The following CSMD3 variants were observed in gnomAD, a reference collection of about 807,000 sequenced individuals.
CSMD3 encodes CUB and sushi domain-containing protein 3.
In CSMD3, 177 loss-of-function variants were observed where a neutral mutation model predicts 435.2. That is an observed-to-expected ratio of 0.41 (90% CI 0.36 to 0.46). The LOEUF (loss-of-function observed/expected upper bound fraction) is 0.46. Among genes scored for constraint, CSMD3 ranks in the 20% least tolerant of loss-of-function variants. CSMD3 has a pLI of 0.34. For missense variants in CSMD3, 4,265 were observed against 4,504.6 expected (o/e 0.95, Z 1.52); for synonymous variants, 1,656 against 1,520.5 (o/e 1.09, Z -2.07).
At chr8:112,551,572 G>T (rs1216556152) in intron 26 of CSMD3, among the ~76,000 whole-genome samples, 1 of 151,862 alleles carries the variant, frequency 6.6e-6, no homozygotes, top group Non-Finnish European at 1.5e-5. Context: ...ATCAAATAAT[G>T]TTTAATTTTT....
At chr8:112,938,052 C>A (rs534072626) in intron 9 of CSMD3, among the ~76,000 whole-genome samples, 9 of 152,148 alleles carry the variant, frequency 5.9e-5, no homozygotes, top group African/African-American at 2.2e-4. Context: ...GGGGGAAAAG[C>A]ACTCAGAATA....
At chr8:113,275,405 T>TA (rs1412051482) in intron 3 of CSMD3, among the ~76,000 whole-genome samples, 2 of 152,070 alleles carry the variant, frequency 1.3e-5, no homozygotes, top group Non-Finnish European at 2.9e-5. Flanking sequence ...AGTCTCTTAT[T>TA]ACAATGCATA....
At chr8:113,294,636 T>C (rs986941209) in intron 2 of CSMD3, among the ~76,000 whole-genome samples, 6 of 152,128 alleles carry the variant, frequency 3.9e-5, no homozygotes, top group Non-Finnish European at 1.5e-5. Context: ...GAAAATCACC[T>C]TGTTCTGAGT....
At chr8:113,410,712 T>A (rs572594260) in intron 1 of CSMD3, among the ~76,000 whole-genome samples, 5 of 143,148 alleles carry the variant, frequency 3.5e-5, no homozygotes, top group African/African-American at 5.3e-5. Flanking sequence ...GAGTTCCAAA[T>A]AAGCCTTAGT....
Position 112,728,372 on chromosome 8 carries a change from T to A in CSMD3, c.1973-38322A>T, listed in dbSNP as rs529603596. ...AAAACAATAAAGAATTAAAATAAGTTATATATCTATACACGTATGTATGTA... is the reference window on the plus strand; with the variant it reads ...AAAACAATAAAGAATTAAAATAAGTAATATATCTATACACGTATGTATGTA... On this transcript the variant is annotated intron_variant, in intron 13 of 70. Coordinates refer to ENST00000297405, the MANE Select transcript of CSMD3 (RefSeq NM_198123.2). 2.0e-5 allele frequency among the ~76,000 whole-genome samples: 3 copies of A among 152,112 alleles called. No individual in the cohort carries two copies. In the South Asian group the frequency reaches 6.2e-4, roughly 32 times the overall value.
intron 3 of CSMD3, among the ~76,000 whole-genome samples, chr8:113,272,988 A>G (rs1163294602): frequency 6.6e-6 from 1 of 152,082 alleles, no homozygotes; most frequent in Admixed American, 6.6e-5. Context: ...TATAAATTCT[A>G]AAATAACTAG....
At chr8:112,578,978 A>G (rs1004800891) in intron 23 of CSMD3, among the ~76,000 whole-genome samples, 2 of 152,040 alleles carry the variant, frequency 1.3e-5, no homozygotes, top group Non-Finnish European at 2.9e-5. Flanking sequence ...TCATATAACT[A>G]ATTGATTTTT....
chr8:113,178,594 A>G (rs1439246401), intron 3 of CSMD3, among the ~76,000 whole-genome samples: 2 of 151,938 alleles, frequency 1.3e-5, no homozygotes, highest in African/African-American at 4.8e-5. Flanking sequence ...AGAAATCTGA[A>G]TTAGTATTGA....
At chr8:113,056,057 C>T (rs967074856) in intron 5 of CSMD3, among the ~76,000 whole-genome samples, 6 of 152,062 alleles carry the variant, frequency 3.9e-5, no homozygotes, top group African/African-American at 1.2e-4. Flanking sequence ...TAGAGTGTAT[C>T]CAGATGATTA....
intron 1 of CSMD3, among the ~76,000 whole-genome samples, chr8:113,332,851 T>C (rs1311312647): frequency 6.6e-6 from 1 of 151,706 alleles, no homozygotes; most frequent in African/African-American, 2.4e-5. Flanking sequence ...AAAAATTAGA[T>C]GATACCTACT....
intron 53 of CSMD3, among the ~76,000 whole-genome samples, chr8:112,297,429 A>T (rs1237592846): frequency 1.3e-5 from 2 of 152,126 alleles, no homozygotes; most frequent in Non-Finnish European, 2.9e-5. Flanking sequence ...GTTTGGCTAA[A>T]TATGAAAAAT....
intron 10 of CSMD3, among the ~76,000 whole-genome samples, chr8:112,920,778 G>A (rs1208638094): frequency 6.6e-6 from 1 of 151,684 alleles, no homozygotes; most frequent in African/African-American, 2.4e-5. Flanking sequence ...AGGTACCCCA[G>A]TTGGTTGTGT....
At chr8:113,259,319 T>A (rs2093408092) in intron 3 of CSMD3, among the ~76,000 whole-genome samples, 1 of 152,166 alleles carries the variant, frequency 6.6e-6, no homozygotes, top group Non-Finnish European at 1.5e-5. Flanking sequence ...ATGCTTAAAA[T>A]AATTGTACTA....
At chr8:113,316,475 C>T (rs1375724229) in intron 1 of CSMD3, among the ~76,000 whole-genome samples, 2 of 151,840 alleles carry the variant, frequency 1.3e-5, no homozygotes, top group Admixed American at 1.3e-4. Flanking sequence ...GGATGTTGTA[C>T]ATTTATTCCA....
chr8:112,257,666 T>C (rs1253130889), intron 61 of CSMD3, among the ~76,000 whole-genome samples: 2 of 152,214 alleles, frequency 1.3e-5, no homozygotes, highest in African/African-American at 4.8e-5. Context: ...TTCATGCTCA[T>C]GGATAGGAAG....
At chr8:112,949,033 C>T (rs762514387) in intron 8 of CSMD3, among the ~76,000 whole-genome samples, 1 of 151,916 alleles carries the variant, frequency 6.6e-6, no homozygotes, top group Non-Finnish European at 1.5e-5. Flanking sequence ...CCTTGGCCAT[C>T]CAAGGTGCCA....
intron 4 of CSMD3, among the ~76,000 whole-genome samples, chr8:113,156,117 T>C (rs2091923435): frequency 6.6e-6 from 1 of 152,054 alleles, no homozygotes; most frequent in Non-Finnish European, 1.5e-5. Flanking sequence ...GCTGCCTAAA[T>C]ATGGCTTAGA....
chr8:112,908,737 A>G (rs2082328463), intron 10 of CSMD3, among the ~76,000 whole-genome samples: 2 of 151,572 alleles, frequency 1.3e-5, no homozygotes, highest in South Asian at 2.1e-4. Context: ...ATTAATAAAT[A>G]TTTTTATGGT....
intron 38 of CSMD3, among the ~76,000 whole-genome samples, chr8:112,367,694 T>C (rs1178596252): frequency 1.3e-5 from 2 of 152,200 alleles, no homozygotes; most frequent in African/African-American, 4.8e-5. Context: ...ATTTCTTTCC[T>C]TGGGCTTATT....
Sources: allele counts gnomAD v4.1 joint callset (sites outside exome capture counted in the v4.1 genomes callset), GRCh38; gene constraint gnomAD v4.1.1; transcripts MANE v1.5; gene names NCBI Gene and HGNC (gene_info 2026-07-23, HGNC 2026-07-21).